ZNF326: variants seen among roughly 807,000 people sequenced by gnomAD.
ZNF326 encodes the protein zinc finger protein 326.
Under a neutral mutation model 63.1 loss-of-function variants are expected in ZNF326, and 30 were observed. That is an observed-to-expected ratio of 0.48 (90% CI 0.36 to 0.64). The LOEUF (loss-of-function observed/expected upper bound fraction) is 0.64. Ranked by LOEUF, ZNF326 falls within the 30% of genes least tolerant of loss-of-function variation. The probability of loss-of-function intolerance (pLI) is 0.00; values close to 1 mark genes in which losing one functional copy is unlikely to be tolerated. For missense variants in ZNF326, 609 were observed against 720.3 expected, an observed-to-expected ratio of 0.85 and a Z score of 1.77; for synonymous variants, 194 against 228.2, an observed-to-expected ratio of 0.85 and a Z score of 1.35.
chr1:90,027,402 G>C lies in ZNF326; in HGVS notation c.1450G>C (p.Glu484Gln). 1 of 1,614,024 alleles carries C rather than the reference G, an allele frequency of 6.2e-7. No homozygotes were observed. Residue 484 changes from glutamate (E) to glutamine (Q), a missense_variant, in exon 12 of 12, where the codon GAA becomes CAA. This residue lies in a region of ZNF326 where 399 missense variants were observed against 444.3 expected (regional missense o/e 0.90). Coordinates refer to ENST00000340281, the MANE Select transcript of ZNF326 (RefSeq NM_182976.4). Reference sequence around the variant, plus strand: ...AGACCATTCTCAGGATCAGCAAATAGAAGGAGATGAGGAGGATGAAGAGAA... The same window carrying C: ...AGACCATTCTCAGGATCAGCAAATACAAGGAGATGAGGAGGATGAAGAGAA... ...IQDHSQDQQIEGDEEDEEKID... is the reference protein window; with the variant it reads ...IQDHSQDQQIQGDEEDEEKID...
intron 11 of ZNF326, among the ~76,000 whole-genome samples, chr1:90,024,047 C>G (rs989884937): frequency 6.6e-6 from 1 of 152,176 alleles, no homozygotes; most frequent in Non-Finnish European, 1.5e-5. Flanking sequence ...GGTCACATTA[C>G]TCAATGATGG....
intron 11 of ZNF326, among the ~76,000 whole-genome samples, chr1:90,022,966 G>A (rs902990600): frequency 3.3e-5 from 5 of 152,192 alleles, no homozygotes; most frequent in African/African-American, 1.2e-4. Flanking sequence ...GAATCTCATG[G>A]AATTTGGCGG....
At position 90,029,807 on chromosome 1, in the gene ZNF326, TGATA is replaced by T. The variant is rs909590520; in HGVS notation, c.*2107_*2110del. On this transcript the variant is annotated 3_prime_UTR_variant, in exon 12 of 12. Coordinates refer to ENST00000340281, the MANE Select transcript of ZNF326 (RefSeq NM_182976.4). ...ACAGCCTAGCTAATTTGCAAGGTAA[TGATA>T]AATAAAAGTGTATTTTGTTACTGTG... 2.2e-5 allele frequency: 2 copies of T among 91,904 alleles called. No homozygotes were observed. Among genetic ancestry groups the T allele is most frequent in the Non-Finnish European group, 4.4e-5 (2 of 45,900 alleles). 5.7% of individuals were successfully genotyped at this position (91,904 alleles called of 1,614,324 possible). A position where few individuals can be genotyped will look rare whatever the true frequency, so the allele number is the denominator to read the frequency against.
At chr1:90,023,507 A>C (rs189038978) in intron 11 of ZNF326, among the ~76,000 whole-genome samples, 1 of 152,184 alleles carries the variant, frequency 6.6e-6, no homozygotes, top group East Asian at 1.9e-4. Flanking sequence ...CTAATTTGTT[A>C]ATCTAATATT....
intron 1 of ZNF326, among the ~76,000 whole-genome samples, chr1:89,996,820 A>G (rs915371226): frequency 7.7e-4 from 117 of 152,226 alleles, no homozygotes; most frequent in African/African-American, 2.6e-3. Context: ...TGAAAATAAA[A>G]AATATATTAT....
In ZNF326 at chr1:90,022,463, C is replaced by T. The variant is rs930224284; in HGVS notation, c.1401+118C>T. On this transcript the variant is annotated intron_variant, in intron 11 of 11. Transcript: ENST00000340281. Reference sequence around the variant, plus strand: ...GTATAACATATTAAGAAGAATTTTACTCAGTATCTTGCATATAGGTAAAAC... The same window carrying T: ...GTATAACATATTAAGAAGAATTTTATTCAGTATCTTGCATATAGGTAAAAC... 5.2e-6 allele frequency: 4 copies of T among 769,472 alleles called. No homozygotes were observed. The Admixed American group carries it at 1.0e-4, about 19-fold the overall frequency. 47.7% of individuals were successfully genotyped at this position (769,472 alleles called of 1,614,324 possible). A position where few individuals can be genotyped will look rare whatever the true frequency, so the allele number is the denominator to read the frequency against.
intron 7 of ZNF326, among the ~76,000 whole-genome samples, chr1:90,016,737 AAAAG>A (rs1440679485): frequency 6.6e-6 from 1 of 152,130 alleles, no homozygotes; most frequent in East Asian, 1.9e-4. Flanking sequence ...AAGAAAAAGA[AAAAG>A]AAAAAAAGAA....
chr1:90,013,314 T>C (rs1649344190), intron 7 of ZNF326, 77 bp downstream of exon 7: 2 of 1,122,966 alleles, frequency 1.8e-6, no homozygotes, highest in South Asian at 2.0e-5. Context: ...AATTGTAATA[T>C]TAAAAAGTTC....
intron 5 of ZNF326, among the ~76,000 whole-genome samples, chr1:90,008,444 A>G (rs1233295918): frequency 6.6e-6 from 1 of 152,192 alleles, no homozygotes; most frequent in Non-Finnish European, 1.5e-5. Flanking sequence ...TTAGGAAGTA[A>G]TATTTTGTAA....
At chr1:90,004,358 A>C (rs964673940) in intron 2 of ZNF326, among the ~76,000 whole-genome samples, 4 of 152,240 alleles carry the variant, frequency 2.6e-5, no homozygotes, top group African/African-American at 9.6e-5. Context: ...CTGAGTTTTC[A>C]GACATTTAAA....
At position 90,034,808 on chromosome 1, in the gene ZNF326, C is replaced by T. The variant is rs557897675; in HGVS notation, c.*7107C>T. 6.6e-6 allele frequency: 1 copy of T among 152,150 alleles called. No homozygotes were observed. Among genetic ancestry groups the T allele is most frequent in the East Asian group, 1.9e-4 (1 of 5,182 alleles). 9.4% of individuals were successfully genotyped at this position (152,150 alleles called of 1,614,324 possible). The stretch of plus-strand genomic sequence containing the variant: ...ATCCTTATTCCAGAAAATTGTTCAT[C>T]AAAGATAGCTATAGACCAGTCTCAC... On this transcript the variant is annotated 3_prime_UTR_variant, in exon 12 of 12. Coordinates refer to ENST00000340281, the MANE Select transcript of ZNF326 (RefSeq NM_182976.4).
intron 7 of ZNF326, among the ~76,000 whole-genome samples, chr1:90,015,718 G>GAAAAATAAATAAATA (rs1557524744): frequency 6.6e-6 from 1 of 152,032 alleles, no homozygotes; most frequent in Non-Finnish European, 1.5e-5. Flanking sequence ...GAAATCAGGG[G>GAAAAATAAATAAATA]AGGCTGCAAT....
At position 90,027,483 on chromosome 1, in the gene ZNF326, G is replaced by A. The variant is rs752763172; in HGVS notation, c.1531G>A (p.Glu511Lys). Residue 511 changes from glutamate to lysine, a missense_variant, in exon 12 of 12, where the codon GAA (glutamate) becomes AAA (lysine). Transcript: ENST00000340281. Reference sequence around the variant, plus strand: ...TGAAGATGAGGAAGAAGAAGCAGAGGAAGTGGGGGAAGTAGAGGAAGTGGA... The same window carrying A: ...TGAAGATGAGGAAGAAGAAGCAGAGAAAGTGGGGGAAGTAGAGGAAGTGGA... ...EDEDEEEEAE[E>K]VGEVEEVEEV... The A allele has an allele frequency of 6.2e-7, 1 of 1,613,636 alleles. No homozygotes were observed. Among genetic ancestry groups the A allele is most frequent in the Non-Finnish European group, 8.5e-7 (1 of 1,179,806 alleles).
chr1:90,002,059 G>T (rs1648711986), intron 2 of ZNF326, among the ~76,000 whole-genome samples: 1 of 152,098 alleles, frequency 6.6e-6, no homozygotes, highest in Non-Finnish European at 1.5e-5. Context: ...TGTTCTCATG[G>T]TTTTATTTTT....
intron 1 of ZNF326, 131 bp from the exon 2 acceptor site, chr1:89,997,979 A>C: frequency 4.5e-6 from 3 of 668,410 alleles, no homozygotes; most frequent in Non-Finnish European, 7.6e-6. Context: ...TGTTTTAACT[A>C]TTCTCAGTTT....
In ZNF326 at chr1:90,035,114, G is replaced by A. The variant is rs1393410342; in HGVS notation, c.*7413G>A. 6.6e-6 allele frequency: 1 copy of A among 152,214 alleles called. No homozygotes were observed. The highest frequency in any genetic ancestry group is 1.5e-5 in the Non-Finnish European group (1 of 68,032). The allele number at this position is 152,214 out of a possible 1,614,324, so 9.4% of individuals were successfully genotyped here. A position where few individuals can be genotyped will look rare whatever the true frequency, so the allele number is the denominator to read the frequency against. On this transcript the variant is annotated 3_prime_UTR_variant, in exon 12 of 12. Coordinates refer to ENST00000340281, the MANE Select transcript of ZNF326 (RefSeq NM_182976.4). ...GCCTTTGTAACTTGGCTAAGGACTA[G>A]GAAGGTCTTCCAGAAAGCTTCATCA...
Position 90,013,210 on chromosome 1 carries a change from A to T in ZNF326, c.899A>T (p.Asn300Ile), listed in dbSNP as rs1371131759. 1 of 1,610,100 alleles carries T rather than the reference A, an allele frequency of 6.2e-7. No homozygotes were observed. Among genetic ancestry groups the T allele is most frequent in the Admixed American group, 1.7e-5 (1 of 59,466 alleles). ...REKQRRRREK[N>I]SEKYGDGYRM... ...AAACAAAGGCGCAGAAGAGAAAAAA[A>T]CAGTGAGAAATACGGAGATGGATAC... The change falls in exon 7 of 12, where the codon AAC becomes ATC. Residue 300 changes from asparagine (N) to isoleucine (I), a missense_variant. Around this residue, in one of 3 missense-constraint regions of ZNF326, gnomAD observed 399 missense variants for 444.3 expected, o/e 0.90. Coordinates refer to ENST00000340281, the MANE Select transcript of ZNF326 (RefSeq NM_182976.4).
intron 6 of ZNF326, among the ~76,000 whole-genome samples, chr1:90,012,122 CTG>C (rs1649280637): frequency 6.6e-6 from 1 of 152,214 alleles, no homozygotes; most frequent in East Asian, 1.9e-4. Context: ...GCATGAGCCA[CTG>C]TGCCTGGTCC....
intron 2 of ZNF326, among the ~76,000 whole-genome samples, chr1:90,003,054 T>C (rs1178019488): frequency 6.6e-6 from 1 of 152,214 alleles, no homozygotes; most frequent in Admixed American, 6.5e-5. Flanking sequence ...TAATGTTCAC[T>C]TGAAAGCATG....
Sources: allele counts gnomAD v4.1 joint callset (sites outside exome capture counted in the v4.1 genomes callset), GRCh38; gene constraint gnomAD v4.1.1; regional missense constraint gnomAD v4.1.1; transcripts MANE v1.5; gene names NCBI Gene and HGNC (gene_info 2026-07-23, HGNC 2026-07-21).